Variants in ZPBP observed in about 807,000 individuals in gnomAD.
The protein encoded by ZPBP is zona pellucida binding protein, also known as zona pellucida-binding protein 1.
A neutral mutation model predicts 44.8 loss-of-function variants in ZPBP; 26 were observed. That is an observed-to-expected ratio of 0.58 (90% CI 0.43 to 0.81). The LOEUF (loss-of-function observed/expected upper bound fraction) is 0.81, where lower values mean the gene tolerates loss of function less well. Among genes scored for constraint, ZPBP ranks in the 30% least tolerant of loss-of-function variants. The pLI, the probability that ZPBP is intolerant of heterozygous loss-of-function variation, is 0.00. For missense variants in ZPBP, 409 were observed against 434.0 expected (o/e 0.94, Z 0.51); for synonymous variants, 174 against 153.2 (o/e 1.14, Z -1.00).
chr7:49,992,863 G>A (rs1053497432), intron 6 of ZPBP, among the ~76,000 whole-genome samples: 4 of 151,814 alleles, frequency 2.6e-5, no homozygotes, highest in Non-Finnish European at 4.4e-5. Context: ...TAAAATATAC[G>A]AAGAAAAGCA....
chr7:50,029,387 T>A (rs1799489476), intron 5 of ZPBP, among the ~76,000 whole-genome samples: 1 of 152,064 alleles, frequency 6.6e-6, no homozygotes, highest in South Asian at 2.1e-4. Flanking sequence ...ACAGAAGGAG[T>A]AAATCTTGAT....
At chr7:49,881,748 T>C (rs1195878000) in intron 2 of ZPBP, among the ~76,000 whole-genome samples, 2 of 152,178 alleles carry the variant, frequency 1.3e-5, no homozygotes, top group Admixed American at 6.5e-5. Flanking sequence ...AGGCAATTCA[T>C]CTCTTTAATT....
intron 7 of ZPBP, among the ~76,000 whole-genome samples, chr7:49,967,593 C>G (rs993521129): frequency 1.3e-5 from 2 of 152,214 alleles, no homozygotes; most frequent in Middle Eastern, 3.4e-3. Flanking sequence ...GTTGCCTAGG[C>G]TGAAGGGCAA....
At chr7:50,049,569 T>C (rs535671231) in intron 4 of ZPBP, among the ~76,000 whole-genome samples, 2 of 151,964 alleles carry the variant, frequency 1.3e-5, no homozygotes, top group Non-Finnish European at 2.9e-5. Context: ...CACATTTATA[T>C]TAACTTATGT....
At chr7:49,910,127 A>G (rs1456193463) in intron 1 of ZPBP, among the ~76,000 whole-genome samples, 1 of 152,058 alleles carries the variant, frequency 6.6e-6, no homozygotes, top group East Asian at 1.9e-4. Flanking sequence ...CAAAACAAAC[A>G]AAAAAGAAAA....
At chr7:50,062,142 G>A (rs1255744017) in intron 3 of ZPBP, among the ~76,000 whole-genome samples, 1 of 152,106 alleles carries the variant, frequency 6.6e-6, no homozygotes, top group Non-Finnish European at 1.5e-5. Context: ...TCTACTATGA[G>A]AATTACAAAG....
intron 2 of ZPBP, among the ~76,000 whole-genome samples, chr7:49,894,515 T>G (rs1477087172): frequency 1.3e-5 from 2 of 152,222 alleles, no homozygotes; most frequent in Non-Finnish European, 2.9e-5. Flanking sequence ...ATCCACCAAC[T>G]CAGCTGTGAT....
At chr7:49,956,091 C>T (rs1315253220) in intron 7 of ZPBP, among the ~76,000 whole-genome samples, 1 of 152,062 alleles carries the variant, frequency 6.6e-6, no homozygotes, top group Non-Finnish European at 1.5e-5. Flanking sequence ...TACCTGAGTA[C>T]TCTAAAAAGC....
chr7:49,957,153 G>A (rs747118738), intron 7 of ZPBP, among the ~76,000 whole-genome samples: 14 of 152,154 alleles, frequency 9.2e-5, no homozygotes, highest in Non-Finnish European at 1.6e-4. Flanking sequence ...ACAATGAGAA[G>A]GCCCTCACCA....
chr7:50,057,800 C>T (rs769098682), intron 4 of ZPBP, among the ~76,000 whole-genome samples, 189 bp downstream of exon 4: 5 of 152,198 alleles, frequency 3.3e-5, no homozygotes, highest in African/African-American at 4.8e-5. Flanking sequence ...AAAAAGACTA[C>T]GATCTGTTAA....
intron 4 of ZPBP, among the ~76,000 whole-genome samples, chr7:50,045,269 T>C (rs1800290332): frequency 1.3e-5 from 2 of 152,310 alleles, no homozygotes; most frequent in Admixed American, 6.5e-5. Flanking sequence ...TCACCACTCC[T>C]ATTCAATATA....
the ZPBP span, among the ~76,000 whole-genome samples, chr7:49,840,808 C>T: frequency 4.7e-4 from 71 of 152,110 alleles, no homozygotes; most frequent in African/African-American, 1.7e-3. Flanking sequence ...TTCAGGTTCG[C>T]AGTGAGTCAA....
intron 7 of ZPBP, among the ~76,000 whole-genome samples, chr7:49,980,217 A>G (rs1796767503): frequency 8.2e-6 from 1 of 121,270 alleles, no homozygotes; most frequent in African/African-American, 3.2e-5. Flanking sequence ...TATATAATAT[A>G]AAATTATATA....
intron 7 of ZPBP, among the ~76,000 whole-genome samples, chr7:49,938,584 T>TA (rs199776980): frequency 0.02 from 3,112 of 152,318 alleles, 260 homozygotes; most frequent in Admixed American, 0.15. Context: ...AGGCACTCAA[T>TA]AAATGCTTAA....
At chr7:49,908,182 G>C (rs1346807340) in intron 1 of ZPBP, among the ~76,000 whole-genome samples, 1 of 152,178 alleles carries the variant, frequency 6.6e-6, no homozygotes, top group Non-Finnish European at 1.5e-5. Flanking sequence ...AGTCTGTTTT[G>C]TCAGTTTTAA....
chr7:50,036,413 G>A (rs1157436629), intron 4 of ZPBP, among the ~76,000 whole-genome samples: 1 of 152,128 alleles, frequency 6.6e-6, no homozygotes. Flanking sequence ...GCCTCCCAAA[G>A]TGCTGGGATT....
At position 50,089,658 on chromosome 7, in the gene ZPBP, A is replaced by C. The variant is rs200384244; in HGVS notation, c.179T>G (p.Val60Gly). 2.5e-6 allele frequency: 4 copies of C among 1,611,446 alleles called. No individual in the cohort carries two copies. The highest frequency in any genetic ancestry group is 3.4e-6 in the Non-Finnish European group (4 of 1,178,702). Residue 60 changes from valine to glycine, a missense_variant, in exon 2 of 8, where the codon GTG becomes GGG. Val to Gly is a moderately radical substitution (Grantham distance 109). Transcript: ENST00000046087. ...AAAACTTGTTGATCCCACTATTTTC[A>C]CTGAATCTTTGGTCAAGCGAAAAGC... ...PRAFRLTKDS[V>G]KIVGSTSFPV...
chr7:50,036,967 C>A (rs1439115118), intron 4 of ZPBP, among the ~76,000 whole-genome samples: 1 of 151,712 alleles, frequency 6.6e-6, no homozygotes, highest in African/African-American at 2.4e-5. Flanking sequence ...AAAAAATGTA[C>A]TAATTAACAG....
intron 2 of ZPBP, among the ~76,000 whole-genome samples, chr7:49,872,915 C>CAAAAAAAAAAAA (rs61473396): frequency 1.2e-4 from 4 of 33,954 alleles, no homozygotes; most frequent in Admixed American, 4.8e-4. Context: ...GACTTTGTCT[C>CAAAAAAAAAAAA]AAAAAAAAAA....
Sources: gnomAD v4.1 joint callset for allele counts (sites outside exome capture counted in the v4.1 genomes callset) on GRCh38, gnomAD v4.1.1 for gene constraint, MANE v1.5 for transcripts, NCBI Gene and HGNC (gene_info 2026-07-23, HGNC 2026-07-21) for gene names.